CYP4F11: variants seen among roughly 807,000 people sequenced by gnomAD.
The protein encoded by CYP4F11 is cytochrome P450 family 4 subfamily F member 11, also known as cytochrome P450 4F11.
A neutral mutation model predicts 62.2 loss-of-function variants in CYP4F11; 79 were observed. The observed-to-expected ratio is 1.27, with a 90% CI of 1.06 to 1.53. The LOEUF (loss-of-function observed/expected upper bound fraction) is 1.53, where lower values mean the gene tolerates loss of function less well. Ranked by LOEUF, CYP4F11 falls within the 40% of genes most tolerant of loss-of-function variation. The pLI, the probability that CYP4F11 is intolerant of heterozygous loss-of-function variation, is 0.00. For missense variants in CYP4F11, 777 were observed against 680.5 expected (o/e 1.14, Z -1.58); for synonymous variants, 290 against 263.7 (o/e 1.10, Z -0.97).
rs747036139 is a variant in CYP4F11 at position 15,934,410 on chromosome 19, C to T, written c.-2G>A. 2.5e-5 allele frequency: 40 copies of T among 1,612,746 alleles called. No homozygotes were observed. Among genetic ancestry groups the T allele is most frequent in the Admixed American group, 1.8e-4 (11 of 59,856 alleles). On this transcript the variant is annotated 5_prime_UTR_variant, in exon 1 of 12. Coordinates refer to ENST00000402119, the MANE Select transcript of CYP4F11 (RefSeq NM_021187.4). The stretch of plus-strand genomic sequence containing the variant: ...CCAGGACAGGCTCAGCTGCGGCATC[C>T]TGCAGGGCAGACGGGATGGAGGGTG...
intron 1 of CYP4F11, among the ~76,000 whole-genome samples, chr19:15,931,565 G>GAGAGGAATGAGTGAGTGAGA (rs2089720590): frequency 9.2e-6 from 1 of 109,180 alleles, no homozygotes; most frequent in East Asian, 2.7e-4. Flanking sequence ...AGTGAGCGAG[G>GAGAGGAATGAGTGAGTGAGA]AGAGGAATGA....
rs577696112 is a variant in CYP4F11 at position 15,920,718 on chromosome 19, T to C, written c.1115+1319A>G. Among the ~76,000 whole-genome samples, 7 of 152,218 alleles carry C rather than the reference T, an allele frequency of 4.6e-5. No homozygotes were observed. In the East Asian group the frequency reaches 1.2e-3, roughly 25 times the overall value. On this transcript the variant is annotated intron_variant, in intron 8 of 11. Coordinates refer to ENST00000402119, the MANE Select transcript of CYP4F11 (RefSeq NM_021187.4). ...GTCCTCTCCAGTATGCCCTCTACACTAGCCCTAAAAAGATTCTCCTGCTAC... is the reference window on the plus strand; with the variant it reads ...GTCCTCTCCAGTATGCCCTCTACACCAGCCCTAAAAAGATTCTCCTGCTAC...
chr19:15,931,543 GGGAGAGGAATGAGTGAGCGA>G lies in CYP4F11; in HGVS notation c.199-1962_199-1943del, dbSNP rs2089718031. Among the ~76,000 whole-genome samples, 56 of 68,802 alleles carry G rather than the reference GGGAGAGGAATGAGTGAGCGA, an allele frequency of 8.1e-4. 1 individual carries two copies. Among genetic ancestry groups the G allele is most frequent in the Middle Eastern group, 0.02 (2 of 102 alleles). The allele number at this position is 68,802 out of a possible 152,430, so 45.1% of individuals were successfully genotyped here. On this transcript the variant is annotated intron_variant, in intron 1 of 11. Coordinates refer to ENST00000402119, the MANE Select transcript of CYP4F11 (RefSeq NM_021187.4). Reference sequence around the variant, plus strand: ...GGCACATCAGAGGAATGAGTGAGCGGGGAGAGGAATGAGTGAGCGAGGAGAGGAATGAGTGAGCGAGGAGA... The same window carrying G: ...GGCACATCAGAGGAATGAGTGAGCGGGGAGAGGAATGAGTGAGCGAGGAGA...
rs868818013 is a variant in CYP4F11 at position 15,915,331 on chromosome 19, G to A, written c.1116-436C>T. ...AGAGGAATGCAATTTGAAATGTGGT[G>A]GTGGCAGACGGTGATTTTATACTTA... is the stretch of plus-strand genomic sequence containing the variant. On this transcript the variant is annotated intron_variant, in intron 8 of 11. Coordinates refer to ENST00000402119, the MANE Select transcript of CYP4F11 (RefSeq NM_021187.4). Among the ~76,000 whole-genome samples, 13 of 152,286 alleles carry A rather than the reference G, an allele frequency of 8.5e-5. 1 individual carries two copies. The South Asian group carries it at 1.0e-3, about 12-fold the overall frequency.
Position 15,913,967 on chromosome 19 carries a change from A to T in CYP4F11, c.1398-58T>A. ...CCATGACCCCCATCCCGGCCCCATC[A>T]TGCTTAGAACCTGGCCTGGGACCCC... On this transcript the variant is annotated intron_variant, in intron 11 of 11. Coordinates refer to ENST00000402119, the MANE Select transcript of CYP4F11 (RefSeq NM_021187.4). 5.1e-6 allele frequency: 8 copies of T among 1,557,014 alleles called. No homozygotes were observed. In the South Asian group the frequency reaches 9.9e-5, roughly 19 times the overall value.
In CYP4F11 at chr19:15,913,798, C is replaced by T; in HGVS notation, c.1509G>A (p.Glu503=). 1.2e-6 allele frequency: 2 copies of T among 1,614,194 alleles called. No homozygotes were observed. Among genetic ancestry groups the T allele is most frequent in the Middle Eastern group, 3.3e-4 (2 of 6,062 alleles). ...GTCCACCCTCTGCGCGCAATATCAGCTCGGGTTTCCTGCGGGGTTCAGTGT... is the reference window on the plus strand; with the variant it reads ...GTCCACCCTCTGCGCGCAATATCAGTTCGGGTTTCCTGCGGGGTTCAGTGT... The part of the protein sequence containing the change: ...PTHTEPRRKP[E]LILRAEGGLW... The change falls in exon 12 of 12, where the codon GAG becomes GAA. Residue 503 remains glutamate, a synonymous_variant. Transcript: ENST00000402119.
chr19:15,922,235 C>T (rs1316904257), intron 7 of CYP4F11, 69 bp from the exon 8 acceptor site: 2 of 1,596,088 alleles, frequency 1.3e-6, no homozygotes, highest in African/African-American at 1.3e-5. Flanking sequence ...AGCACCCAAA[C>T]TCTGAGGCCC....
chr19:15,921,723 A>G (rs1438406477), intron 8 of CYP4F11, among the ~76,000 whole-genome samples: 1 of 152,210 alleles, frequency 6.6e-6, no homozygotes, highest in East Asian at 1.9e-4. Flanking sequence ...ACATTCAGAA[A>G]GTGAAGATGT....
intron 9 of CYP4F11, 32 bp from the exon 10 acceptor site, chr19:15,914,698 GC>G (rs766219521): frequency 3.7e-6 from 6 of 1,613,848 alleles, no homozygotes; most frequent in Middle Eastern, 1.6e-4. Flanking sequence ...TCAGGACAAG[GC>G]CCCCCTGCCT....
In CYP4F11 at chr19:15,924,781, G is replaced by C. The variant is rs145339339; in HGVS notation, c.627C>G (p.Ser209Arg). 27 of 1,612,204 alleles carry C rather than the reference G, an allele frequency of 1.7e-5. No homozygotes were observed. Among genetic ancestry groups the C allele is most frequent in the Non-Finnish European group, 2.1e-5 (25 of 1,178,898 alleles). ...CTCACTCCTGACAATTGCTTTCAAA[G>C]CTGAAGACACATTTCTGCAGACTGT... ...TLDSLQKCVF[S>R]FESNCQEKPS... The change falls in exon 5 of 12, where the codon AGC becomes AGG. Residue 209 changes from serine to arginine, a missense_variant. Physicochemically the swap from Ser to Arg is moderately radical, Grantham distance 110. Transcript: ENST00000402119.
Position 15,923,835 on chromosome 19 carries a change from T to C in CYP4F11, c.895A>G (p.Ile299Val), listed in dbSNP as rs200473423. ...NKAKSKTLDFIDVLLLSKDED... is the reference protein window; with the variant it reads ...NKAKSKTLDFVDVLLLSKDED... Reference sequence around the variant, plus strand: ...ACCTTGCTCAGCAGAAGCACATCAATGAAGTCTAAAGTCTTGGACTTTGCC... The same window carrying C: ...ACCTTGCTCAGCAGAAGCACATCAACGAAGTCTAAAGTCTTGGACTTTGCC... The change falls in exon 6 of 12, where the codon ATT becomes GTT. Residue 299 changes from isoleucine (I) to valine (V), a missense_variant. By Grantham distance (29) the Ile-to-Val change is conservative. Coordinates refer to ENST00000402119, the MANE Select transcript of CYP4F11 (RefSeq NM_021187.4). The C allele has an allele frequency of 1.5e-5, 24 of 1,613,808 alleles. No homozygotes were observed. The East Asian group carries it at 2.2e-4, about 15-fold the overall frequency.
At chr19:15,921,573 T>C (rs1013131099) in intron 8 of CYP4F11, among the ~76,000 whole-genome samples, 4 of 152,210 alleles carry the variant, frequency 2.6e-5, no homozygotes, top group African/African-American at 9.7e-5. Context: ...GAATACAGTG[T>C]AGGAGCATTT....
intron 4 of CYP4F11, among the ~76,000 whole-genome samples, 186 bp from the exon 5 acceptor site, chr19:15,925,068 G>A: frequency 6.6e-6 from 1 of 152,156 alleles, no homozygotes; most frequent in East Asian, 1.9e-4. Context: ...AAGACTCATG[G>A]CTGGGAGTCG....
chr19:15,927,417 C>T lies in CYP4F11; in HGVS notation c.397+13G>A, dbSNP rs2089678881. The T allele has an allele frequency of 6.2e-7, 1 of 1,614,016 alleles. No homozygotes were observed. Among genetic ancestry groups the T allele is most frequent in the African/African-American group, 1.3e-5 (1 of 74,916 alleles). On this transcript the variant is annotated intron_variant, in intron 3 of 11. Transcript: ENST00000402119. ...AAAGGATATCCCCAACCCCATTCAC[C>T]TCAATTACTCACCCAGCCAGGGCTT...
In CYP4F11 at chr19:15,913,626, A is replaced by G; in HGVS notation, c.*106T>C. 7.0e-7 allele frequency: 1 copy of G among 1,428,282 alleles called. No individual in the cohort carries two copies. Among genetic ancestry groups the G allele is most frequent in the Non-Finnish European group, 9.6e-7 (1 of 1,038,712 alleles). The allele number at this position is 1,428,282 out of a possible 1,614,324, so 88.5% of individuals were successfully genotyped here. A position where few individuals can be genotyped will look rare whatever the true frequency, so the allele number is the denominator to read the frequency against. On this transcript the variant is annotated 3_prime_UTR_variant, in exon 12 of 12. Transcript: ENST00000402119. The stretch of plus-strand genomic sequence containing the variant: ...CACTCACCTCCCTTTCTTAGATCCC[A>G]CCAGTCCCCAGGAGCCCCATGCTGG...
rs1568257409 is a variant in CYP4F11 at position 15,931,582 on chromosome 19, GA to G, written c.199-1982del. The stretch of plus-strand genomic sequence containing the variant: ...TGAGCGAGGAGAGGAATGAGTGAGC[GA>G]GGAGAGGAATGAGTGAGTGAGGAGA... On this transcript the variant is annotated intron_variant, in intron 1 of 11. Transcript: ENST00000402119. Among the ~76,000 whole-genome samples the G allele has an allele frequency of 2.7e-3, 335 of 123,058 alleles. 14 individuals carry two copies. The highest frequency in any genetic ancestry group is 3.9e-3 in the Non-Finnish European group (221 of 57,098). The allele number at this position is 123,058 out of a possible 152,430, so 80.7% of individuals were successfully genotyped here. A position where few individuals can be genotyped will look rare whatever the true frequency, so the allele number is the denominator to read the frequency against.
At chr19:15,928,493 A>T (rs1267851724) in intron 2 of CYP4F11, among the ~76,000 whole-genome samples, 5 of 152,190 alleles carry the variant, frequency 3.3e-5, no homozygotes, top group Non-Finnish European at 5.9e-5. Context: ...AGTGATGTGG[A>T]TTAATTGACA....
chr19:15,923,593 G>A (rs886991572), intron 6 of CYP4F11, among the ~76,000 whole-genome samples: 1 of 152,188 alleles, frequency 6.6e-6, no homozygotes, highest in South Asian at 2.1e-4. Flanking sequence ...TTGCTAACAT[G>A]TAAGTAGAGT....
In CYP4F11 at chr19:15,912,668, G is replaced by GAAAA. The variant is rs71178625; in HGVS notation, c.*1060_*1063dup. 12 of 59,754 alleles carry GAAAA rather than the reference G, an allele frequency of 2.0e-4. No homozygotes were observed. The highest frequency in any genetic ancestry group is 9.1e-4 in the African/African-American group (12 of 13,248). 3.7% of individuals were successfully genotyped at this position (59,754 alleles called of 1,614,324 possible). A position where few individuals can be genotyped will look rare whatever the true frequency, so the allele number is the denominator to read the frequency against. Reference sequence around the variant, plus strand: ...AGTCAGGTACCTTCACCATCCTCAGGAAAAAAAAAAAAATATATATATATA... The same window carrying GAAAA: ...AGTCAGGTACCTTCACCATCCTCAGGAAAAAAAAAAAAAAAAATATATATATATA... On this transcript the variant is annotated 3_prime_UTR_variant, in exon 12 of 12. Coordinates refer to ENST00000402119, the MANE Select transcript of CYP4F11 (RefSeq NM_021187.4).
Sources: gnomAD v4.1 joint callset for allele counts (sites outside exome capture counted in the v4.1 genomes callset) on GRCh38, gnomAD v4.1.1 for gene constraint, MANE v1.5 for transcripts, NCBI Gene and HGNC (gene_info 2026-07-23, HGNC 2026-07-21) for gene names.